The following SGSM1 variants were observed in gnomAD, a reference collection of about 807,000 sequenced individuals.
SGSM1 encodes the protein RUN and TBC1 domain containing 2.
In SGSM1, 73 loss-of-function variants were observed where a neutral mutation model predicts 133.8. The ratio of observed to expected loss-of-function variants is 0.55; its 90% CI spans 0.45 to 0.66. The LOEUF (loss-of-function observed/expected upper bound fraction) is 0.66, where lower values mean the gene tolerates loss of function less well. SGSM1 is among the 30% of genes least tolerant of loss of function. The pLI is 0.00. For synonymous variants in SGSM1, 563 were observed against 573.0 expected (o/e 0.98, Z 0.25); for missense variants, 1,213 against 1,448.1 (o/e 0.84, Z 2.64).
chr22:24,873,724 G>A (rs953089445), intron 12 of SGSM1, among the ~76,000 whole-genome samples: 6 of 152,144 alleles, frequency 3.9e-5, no homozygotes, highest in African/African-American at 9.7e-5. Flanking sequence ...ATGCTGGCAC[G>A]TGCGTGTAGT....
intron 2 of SGSM1, among the ~76,000 whole-genome samples, chr22:24,832,003 C>T (rs891448814): frequency 6.6e-6 from 1 of 152,198 alleles, no homozygotes; most frequent in African/African-American, 2.4e-5. Context: ...AGAGTCGGGG[C>T]AGCAGACGTC....
chr22:24,872,140 A>G (rs1392599191), intron 12 of SGSM1, among the ~76,000 whole-genome samples: 2 of 152,224 alleles, frequency 1.3e-5, no homozygotes, highest in Non-Finnish European at 1.5e-5. Flanking sequence ...GGCTTTTAAC[A>G]GAAGAAATTT....
At chr22:24,807,311 A>T (rs893039875) in intron 2 of SGSM1, among the ~76,000 whole-genome samples, 3 of 149,356 alleles carry the variant, frequency 2.0e-5, no homozygotes, top group Non-Finnish European at 4.5e-5. Context: ...GTGTGTGCGT[A>T]TGAGAATGTC....
intron 2 of SGSM1, among the ~76,000 whole-genome samples, chr22:24,820,962 C>T (rs1462339541): frequency 1.3e-5 from 2 of 152,196 alleles, no homozygotes; most frequent in Non-Finnish European, 1.5e-5. Context: ...TGGCAGCTTA[C>T]CTGGGCAGTC....
At chr22:24,855,971 A>C in intron 8 of SGSM1, 1 of 577,512 alleles carries the variant, frequency 1.7e-6, no homozygotes, top group Non-Finnish European at 3.2e-6. Flanking sequence ...ACATTCACCC[A>C]TCCACCCATC....
At chr22:24,846,063 G>A (rs1198296610) in intron 3 of SGSM1, among the ~76,000 whole-genome samples, 1 of 125,310 alleles carries the variant, frequency 8.0e-6, no homozygotes, top group Non-Finnish European at 1.6e-5. Context: ...TTTTGAGACA[G>A]GATCTCACTC....
At chr22:24,903,840 CACACACCTG>C (rs1933255148) in intron 20 of SGSM1, among the ~76,000 whole-genome samples, 1 of 151,932 alleles carries the variant, frequency 6.6e-6, no homozygotes, top group Non-Finnish European at 1.5e-5. Context: ...GGTGTGGTGG[CACACACCTG>C]TAATCCCAGC....
At chr22:24,912,350 C>G (rs2123735281) in intron 21 of SGSM1, among the ~76,000 whole-genome samples, 1 of 152,298 alleles carries the variant, frequency 6.6e-6, no homozygotes, top group Non-Finnish European at 1.5e-5. Context: ...TTCCTGTCTT[C>G]TCAGTTTTTC....
chr22:24,871,228 C>T lies in SGSM1; in HGVS notation c.1291+2373C>T, dbSNP rs181502041. ...TGTCCTCTGGAGGGTGGCAAAATTGCCTCTGCTTGAGAACCGTTGGTTTAG... is the reference window on the plus strand; with the variant it reads ...TGTCCTCTGGAGGGTGGCAAAATTGTCTCTGCTTGAGAACCGTTGGTTTAG... On this transcript the variant is annotated intron_variant, in intron 12 of 24. Coordinates refer to ENST00000400358, the MANE Select transcript of SGSM1 (RefSeq NM_001098497.3). Among the ~76,000 whole-genome samples the T allele has an allele frequency of 2.8e-3, 427 of 152,256 alleles. 1 individual carries two copies. The highest frequency in any genetic ancestry group is 6.8e-3 in the Middle Eastern group (2 of 292).
intron 16 of SGSM1, among the ~76,000 whole-genome samples, chr22:24,891,938 G>T (rs1932821771): frequency 6.6e-6 from 1 of 152,110 alleles, no homozygotes; most frequent in African/African-American, 2.4e-5. Flanking sequence ...TTTAGGGAGG[G>T]GCAGGAAGGG....
intron 16 of SGSM1, among the ~76,000 whole-genome samples, chr22:24,888,535 A>C (rs374948289): frequency 1.3e-5 from 2 of 152,180 alleles, no homozygotes; most frequent in East Asian, 3.9e-4. Context: ...TGGGAGGCCG[A>C]GGCAGGTGGA....
chr22:24,852,376 C>T (rs1186172542), intron 5 of SGSM1, among the ~76,000 whole-genome samples: 1 of 152,142 alleles, frequency 6.6e-6, no homozygotes, highest in African/African-American at 2.4e-5. Context: ...ACCTCATCAC[C>T]CCAAAGAAAC....
At chr22:24,811,112 C>T (rs1927710580) in intron 2 of SGSM1, among the ~76,000 whole-genome samples, 1 of 152,122 alleles carries the variant, frequency 6.6e-6, no homozygotes, top group Non-Finnish European at 1.5e-5. Flanking sequence ...GGACATTTGG[C>T]AATGTCTGGA....
chr22:24,811,543 T>C (rs1013118814), intron 2 of SGSM1, among the ~76,000 whole-genome samples: 3 of 152,058 alleles, frequency 2.0e-5, no homozygotes, highest in African/African-American at 7.2e-5. Context: ...ACTTAGGCCA[T>C]AGAAGAGAGA....
chr22:24,820,489 G>C (rs954605667), intron 2 of SGSM1, among the ~76,000 whole-genome samples: 10 of 152,166 alleles, frequency 6.6e-5, no homozygotes, highest in Non-Finnish European at 2.9e-5. Flanking sequence ...ACCATGTTTA[G>C]GGCAGGTTAT....
Position 24,901,826 on chromosome 22 carries a change from C to T in SGSM1, c.2611-7C>T. 1 of 1,612,638 alleles carries T rather than the reference C, an allele frequency of 6.2e-7. No individual in the cohort carries two copies. The highest frequency in any genetic ancestry group is 1.1e-5 in the South Asian group (1 of 90,550). ...TTCCCCCTACCCCCTGCCCCGATGG[C>T]CTATAGCCAGAGCTGCTGGATCTGT... On this transcript the variant is annotated splice_polypyrimidine_tract_variant and splice_region_variant and intron_variant, in intron 19 of 24. Coordinates refer to ENST00000400358, the MANE Select transcript of SGSM1 (RefSeq NM_001098497.3).
chr22:24,860,202 T>G (rs980612645), intron 9 of SGSM1, among the ~76,000 whole-genome samples: 3 of 152,022 alleles, frequency 2.0e-5, no homozygotes, highest in Non-Finnish European at 4.4e-5. Context: ...AGGCAGGAGG[T>G]GTTAGCGAGC....
chr22:24,893,331 A>C, intron 16 of SGSM1, 100 bp from the exon 17 acceptor site: 1 of 1,253,452 alleles, frequency 8.0e-7, no homozygotes. Flanking sequence ...TAACTGCGTG[A>C]ATGTTGGATG....
chr22:24,855,795 C>A, intron 8 of SGSM1, 115 bp downstream of exon 8: 1 of 1,480,704 alleles, frequency 6.8e-7, no homozygotes, highest in South Asian at 1.2e-5. Flanking sequence ...TGCACTCACC[C>A]ATGCACACAT....
Sources: allele counts gnomAD v4.1 joint callset (sites outside exome capture counted in the v4.1 genomes callset), GRCh38; gene constraint gnomAD v4.1.1; transcripts MANE v1.5; gene names NCBI Gene and HGNC (gene_info 2026-07-23, HGNC 2026-07-21).